Variants in PAK1 observed in about 807,000 individuals in gnomAD.
PAK1 encodes the protein p21 (RAC1) activated kinase 1.
In PAK1, 29 loss-of-function variants were observed where a neutral mutation model predicts 67.4. That is an observed-to-expected ratio of 0.43 (90% CI 0.32 to 0.59). PAK1 has a LOEUF of 0.59. Among genes scored for constraint, PAK1 ranks in the 20% least tolerant of loss-of-function variants. The pLI, the probability that PAK1 is intolerant of heterozygous loss-of-function variation, is 0.07. For missense variants in PAK1, 337 were observed against 670.7 expected (o/e 0.50, Z 5.50); for synonymous variants, 223 against 237.4 (o/e 0.94, Z 0.56).
At chr11:77,347,851 A>G (rs1454926014) in intron 9 of PAK1, among the ~76,000 whole-genome samples, 1 of 152,198 alleles carries the variant, frequency 6.6e-6, no homozygotes. Flanking sequence ...TTCTTTCAAC[A>G]CTTTCGTGGA....
chr11:77,469,191 G>A (rs1351020038), intron 1 of PAK1, among the ~76,000 whole-genome samples: 1 of 152,122 alleles, frequency 6.6e-6, no homozygotes, highest in Non-Finnish European at 1.5e-5. Context: ...CTGGAGTCAG[G>A]TGCACATGGA....
intron 1 of PAK1, among the ~76,000 whole-genome samples, chr11:77,433,572 G>C (rs1198401378): frequency 6.6e-6 from 1 of 152,144 alleles, no homozygotes; most frequent in Non-Finnish European, 1.5e-5. Flanking sequence ...GAGGTCAGGA[G>C]ATCAAGACCA....
intron 1 of PAK1, among the ~76,000 whole-genome samples, chr11:77,415,141 TATC>T (rs1954878714): frequency 6.6e-6 from 1 of 152,228 alleles, no homozygotes; most frequent in Admixed American, 6.5e-5. Flanking sequence ...CAGCATCTTT[TATC>T]ATTAGAGAAC....
At chr11:77,370,231 T>A (rs141207800) in intron 5 of PAK1, among the ~76,000 whole-genome samples, 70 of 152,300 alleles carry the variant, frequency 4.6e-4, no homozygotes, top group African/African-American at 1.7e-3. Context: ...AAAACTTTAA[T>A]GTATTTTCCT....
At chr11:77,495,195 CAGGTG>C in the PAK1 span, among the ~76,000 whole-genome samples, 12,944 of 149,958 alleles carry the variant, frequency 0.086, 1,152 homozygotes, top group African/African-American at 0.21. Context: ...AATTAGAGGC[CAGGTG>C]CAGTGGCTCA....
At chr11:77,440,768 A>G (rs1422259675) in intron 1 of PAK1, among the ~76,000 whole-genome samples, 1 of 152,218 alleles carries the variant, frequency 6.6e-6, no homozygotes, top group Non-Finnish European at 1.5e-5. Context: ...AACAATATGC[A>G]TTGAAGCCAC....
intron 1 of PAK1, among the ~76,000 whole-genome samples, chr11:77,437,047 G>A (rs1219436979): frequency 6.6e-6 from 1 of 152,150 alleles, no homozygotes; most frequent in Non-Finnish European, 1.5e-5. Context: ...ATAGGAAAAA[G>A]TCGTCTGGAA....
chr11:77,336,806 A>G (rs1591728662), intron 12 of PAK1, among the ~76,000 whole-genome samples: 1 of 151,820 alleles, frequency 6.6e-6, no homozygotes, highest in Non-Finnish European at 1.5e-5. Flanking sequence ...TGGTCTTTAC[A>G]CCTTTGAACA....
intron 5 of PAK1, among the ~76,000 whole-genome samples, chr11:77,363,482 G>A (rs952746522): frequency 1.3e-5 from 2 of 152,142 alleles, no homozygotes; most frequent in African/African-American, 2.4e-5. Flanking sequence ...AAAATAAACC[G>A]TATCAGGATT....
chr11:77,438,916 A>G (rs576935886), intron 1 of PAK1, among the ~76,000 whole-genome samples: 1 of 152,316 alleles, frequency 6.6e-6, no homozygotes, highest in African/African-American at 2.4e-5. Flanking sequence ...ACCCACAAAG[A>G]CATGAGGATG....
the PAK1 span, among the ~76,000 whole-genome samples, chr11:77,524,927 A>G: frequency 6.6e-6 from 1 of 152,234 alleles, no homozygotes; most frequent in East Asian, 1.9e-4. Context: ...TGCTGGTTGT[A>G]TCTGTGGATT....
intron 1 of PAK1, among the ~76,000 whole-genome samples, chr11:77,465,018 G>C (rs1052488152): frequency 7.7e-4 from 113 of 146,812 alleles, no homozygotes; most frequent in Admixed American, 3.0e-3. Flanking sequence ...GTGTGTCTGT[G>C]TGTGTGTCTG....
intron 1 of PAK1, among the ~76,000 whole-genome samples, chr11:77,400,798 T>C (rs1186042314): frequency 1.3e-5 from 2 of 152,268 alleles, no homozygotes; most frequent in African/African-American, 4.8e-5. Flanking sequence ...TGGTATCATT[T>C]TTCTCATTCA....
chr11:77,373,360 T>C (rs1948682875), intron 5 of PAK1, among the ~76,000 whole-genome samples: 1 of 151,920 alleles, frequency 6.6e-6, no homozygotes, highest in Admixed American at 6.6e-5. Context: ...ACCACATCTC[T>C]ACCAAAACTT....
intron 1 of PAK1, among the ~76,000 whole-genome samples, chr11:77,440,706 G>C (rs1336602339): frequency 1.3e-5 from 2 of 152,342 alleles, no homozygotes; most frequent in African/African-American, 4.8e-5. Flanking sequence ...AAGATGATTA[G>C]AGATAAGCTT....
At chr11:77,333,194 C>CT (rs886805892) in intron 13 of PAK1, among the ~76,000 whole-genome samples, 2,377 of 127,108 alleles carry the variant, frequency 0.019, 45 homozygotes, top group Non-Finnish European at 0.027. Flanking sequence ...TCTTCTTCTT[C>CT]TTTTTTTTTT....
At chr11:77,365,275 A>G (rs12795230) in intron 5 of PAK1, among the ~76,000 whole-genome samples, 10 of 144,992 alleles carry the variant, frequency 6.9e-5, no homozygotes, top group Admixed American at 6.8e-4. Context: ...AAAAGAAAAA[A>G]GAAAAAAGAA....
At chr11:77,521,178 C>T in the PAK1 span, among the ~76,000 whole-genome samples, 1 of 152,122 alleles carries the variant, frequency 6.6e-6, no homozygotes, top group Non-Finnish European at 1.5e-5. Context: ...CCTCTGGATC[C>T]CTCAGATCCA....
intron 1 of PAK1, among the ~76,000 whole-genome samples, chr11:77,419,305 G>GT (rs1277615297): frequency 6.6e-6 from 1 of 152,194 alleles, no homozygotes; most frequent in African/African-American, 2.4e-5. Flanking sequence ...CAAGTTAGCA[G>GT]TTAACATGTT....
Sources: gnomAD v4.1 joint callset for allele counts (sites outside exome capture counted in the v4.1 genomes callset) on GRCh38, gnomAD v4.1.1 for gene constraint, MANE v1.5 for transcripts, NCBI Gene and HGNC (gene_info 2026-07-23, HGNC 2026-07-21) for gene names.